PLEKHA5: variants seen among roughly 807,000 people sequenced by gnomAD.
PLEKHA5 encodes the protein pleckstrin homology domain containing A5.
A neutral mutation model predicts 181.9 loss-of-function variants in PLEKHA5; 55 were observed. That is an observed-to-expected ratio of 0.30 (90% confidence interval 0.24 to 0.38). The LOEUF (loss-of-function observed/expected upper bound fraction) is 0.38. PLEKHA5 is among the 10% of genes least tolerant of loss of function. PLEKHA5 has a pLI of 1.00. For missense variants in PLEKHA5, 1,432 were observed against 1,549.5 expected (o/e 0.92, Z 1.27); for synonymous variants, 535 against 529.4 (o/e 1.01, Z -0.15).
At chr12:19,335,582 ATTTTT>A (rs34158055) in intron 20 of PLEKHA5, among the ~76,000 whole-genome samples, 1 of 108,000 alleles carries the variant, frequency 9.3e-6, no homozygotes, top group South Asian at 3.2e-4. Flanking sequence ...CGCCTGGCTA[ATTTTT>A]TTTTTTTTTT....
intron 30 of PLEKHA5, among the ~76,000 whole-genome samples, chr12:19,366,976 G>GGC (rs2095440068): frequency 6.6e-6 from 1 of 151,862 alleles, no homozygotes; most frequent in East Asian, 1.9e-4. Flanking sequence ...GGAGTGCAGT[G>GGC]GCGCTATCTT....
intron 26 of PLEKHA5, among the ~76,000 whole-genome samples, chr12:19,356,879 T>C (rs1273801499): frequency 6.6e-6 from 1 of 152,082 alleles, no homozygotes. Context: ...CAGGCTGGTC[T>C]CTAACTCCTG....
chr12:19,313,802 A>G (rs1031293247), intron 15 of PLEKHA5, among the ~76,000 whole-genome samples: 1 of 152,176 alleles, frequency 6.6e-6, no homozygotes, highest in Admixed American at 6.5e-5. Context: ...TTTATTGGCA[A>G]TTAGACTGAA....
In PLEKHA5 at chr12:19,257,421, T is replaced by C. The variant is rs1339688160; in HGVS notation, c.433-12T>C. On this transcript the variant is annotated splice_polypyrimidine_tract_variant and intron_variant, in intron 5 of 31. Coordinates refer to ENST00000429027, the MANE Select transcript of PLEKHA5 (RefSeq NM_001256470.2). ...AATACCACATTTTCTGTCATGCTCTTTTTCTATTTAGACTTCACGAGCTTC... is the reference window on the plus strand; with the variant it reads ...AATACCACATTTTCTGTCATGCTCTCTTTCTATTTAGACTTCACGAGCTTC... 7.3e-7 allele frequency: 1 copy of C among 1,368,202 alleles called. No homozygotes were observed. Among genetic ancestry groups the C allele is most frequent in the Non-Finnish European group, 1.0e-6 (1 of 970,170 alleles). The allele number at this position is 1,368,202 out of a possible 1,614,324, so 84.8% of individuals were successfully genotyped here. A position where few individuals can be genotyped will look rare whatever the true frequency, so the allele number is the denominator to read the frequency against.
chr12:19,172,367 A>G (rs1189200444), intron 3 of PLEKHA5, among the ~76,000 whole-genome samples: 3 of 152,010 alleles, frequency 2.0e-5, no homozygotes, highest in Non-Finnish European at 4.4e-5. Flanking sequence ...GTGGTTCATG[A>G]CTATATTTGC....
intron 23 of PLEKHA5, 122 bp from the exon 24 acceptor site, chr12:19,346,872 G>A: frequency 3.4e-6 from 2 of 583,048 alleles, no homozygotes; most frequent in Non-Finnish European, 2.8e-6. Flanking sequence ...TAGACTTTTG[G>A]CTTGGCAGTG....
intron 3 of PLEKHA5, among the ~76,000 whole-genome samples, chr12:19,137,266 A>G (rs1392548928): frequency 6.6e-6 from 1 of 152,084 alleles, no homozygotes; most frequent in Non-Finnish European, 1.5e-5. Flanking sequence ...CAAACTCCTG[A>G]CCTCAGGTGA....
chr12:19,257,901 C>CTATTGATATAAATATTTGA (rs2067281384), intron 6 of PLEKHA5, among the ~76,000 whole-genome samples: 1 of 151,878 alleles, frequency 6.6e-6, no homozygotes, highest in South Asian at 2.1e-4. Context: ...ACTCATTTTT[C>CTATTGATATAAATATTTGA]TATTGATATA....
chr12:19,313,015 C>A (rs994437588), intron 15 of PLEKHA5, among the ~76,000 whole-genome samples: 1 of 152,204 alleles, frequency 6.6e-6, no homozygotes, highest in South Asian at 2.1e-4. Context: ...GAGGAATAGG[C>A]AGGCCCAAGG....
intron 20 of PLEKHA5, among the ~76,000 whole-genome samples, chr12:19,325,796 G>A (rs1056589426): frequency 6.6e-6 from 1 of 151,840 alleles, no homozygotes; most frequent in African/African-American, 2.4e-5. Context: ...ATCACCTGCG[G>A]CCAGGAGTTC....
At chr12:19,256,585 A>G (rs779589974) in intron 5 of PLEKHA5, among the ~76,000 whole-genome samples, 1 of 152,240 alleles carries the variant, frequency 6.6e-6, no homozygotes, top group Non-Finnish European at 1.5e-5. Context: ...ATCTATCAAG[A>G]AAACATGCTT....
intron 20 of PLEKHA5, among the ~76,000 whole-genome samples, chr12:19,332,359 GCA>G (rs2092930404): frequency 6.6e-6 from 1 of 152,154 alleles, no homozygotes; most frequent in Non-Finnish European, 1.5e-5. Flanking sequence ...TCTCAGAAAA[GCA>G]CACAGTTTAG....
intron 22 of PLEKHA5, among the ~76,000 whole-genome samples, 174 bp from the exon 23 acceptor site, chr12:19,345,668 C>A (rs2094283792): frequency 6.6e-6 from 1 of 151,924 alleles, no homozygotes; most frequent in Non-Finnish European, 1.5e-5. Flanking sequence ...GAGGCTGAGG[C>A]ACAAGAATTG....
At chr12:19,373,668 CAA>C (rs56978848) in intron 31 of PLEKHA5, 27 of 117,170 alleles carry the variant, frequency 2.3e-4, no homozygotes, top group South Asian at 2.7e-4. Context: ...AACTCTGTCT[CAA>C]AAAAAAAAAA....
intron 4 of PLEKHA5, among the ~76,000 whole-genome samples, chr12:19,254,658 T>TA (rs35159886): frequency 0.79 from 118,988 of 151,498 alleles, 48,113 homozygotes; most frequent in Non-Finnish European, 0.89. Context: ...CTGACTGTAC[T>TA]AAAAAAATAG....
At chr12:19,162,947 C>G (rs2043323065) in intron 3 of PLEKHA5, among the ~76,000 whole-genome samples, 1 of 152,082 alleles carries the variant, frequency 6.6e-6, no homozygotes, top group African/African-American at 2.4e-5. Flanking sequence ...AGTCTAGTGT[C>G]TTCATTTTAT....
At chr12:19,158,461 G>A (rs1461248883) in intron 3 of PLEKHA5, among the ~76,000 whole-genome samples, 1 of 152,172 alleles carries the variant, frequency 6.6e-6, no homozygotes, top group East Asian at 1.9e-4. Flanking sequence ...TTGAAAACTG[G>A]TAGCTTGAAG....
chr12:19,186,865 A>G (rs1011186415), intron 3 of PLEKHA5, among the ~76,000 whole-genome samples: 1 of 152,180 alleles, frequency 6.6e-6, no homozygotes, highest in Non-Finnish European at 1.5e-5. Flanking sequence ...TATTCCTTCT[A>G]AATGCTTTGT....
At chr12:19,230,736 C>T (rs1056601256) in intron 3 of PLEKHA5, among the ~76,000 whole-genome samples, 1 of 152,106 alleles carries the variant, frequency 6.6e-6, no homozygotes, top group African/African-American at 2.4e-5. Flanking sequence ...CGGCACCTCT[C>T]CCTCCACCCC....
Sources: allele counts gnomAD v4.1 joint callset (sites outside exome capture counted in the v4.1 genomes callset), GRCh38; gene constraint gnomAD v4.1.1; transcripts MANE v1.5; gene names NCBI Gene and HGNC (gene_info 2026-07-23, HGNC 2026-07-21).